ITPK1: variants seen among roughly 807,000 people sequenced by gnomAD.
ITPK1 encodes the protein inositol-tetrakisphosphate 1-kinase, also known as inositol 1,3,4-trisphosphate 5/6-kinase.
ITPK1 carries 21 observed loss-of-function variants against 45.3 expected under a neutral mutation model. The observed-to-expected ratio is 0.46, with a 90% CI of 0.33 to 0.67. ITPK1 has a LOEUF of 0.67. Among genes scored for constraint, ITPK1 ranks in the 30% least tolerant of loss-of-function variants. ITPK1 has a pLI of 0.02. For missense variants in ITPK1, 474 were observed against 573.5 expected (o/e 0.83, Z 1.77); for synonymous variants, 258 against 253.6 (o/e 1.02, Z -0.16).
rs987242379 is a variant in ITPK1, at chr14:92,979,921, C to G, written c.364+13959G>C. On this transcript the variant is annotated intron_variant, in intron 5 of 10. Coordinates refer to ENST00000267615, the MANE Select transcript of ITPK1 (RefSeq NM_014216.6). ...TCAGCCTCCTAAGTAGCTGTGATTA[C>G]AGGCGCACATCACCACGCCTGGCTA... Among the ~76,000 whole-genome samples, 6 of 151,728 alleles carry G rather than the reference C, an allele frequency of 4.0e-5. No individual in the cohort carries two copies. In the South Asian group the frequency reaches 1.2e-3, roughly 32 times the overall value.
rs916624890 is a variant in ITPK1, at chr14:93,045,240, C to T, written c.121-28439G>A. On this transcript the variant is annotated intron_variant, in intron 3 of 10. Transcript: ENST00000267615. The stretch of plus-strand genomic sequence containing the variant: ...TCTGGGCAAGACCTCAGGCCCCTGT[C>T]CCTGCCAGTCAGCAGCTCTGCCTCC... 2.6e-5 allele frequency among the ~76,000 whole-genome samples: 4 copies of T among 152,380 alleles called. No homozygotes were observed. In the East Asian group the frequency reaches 7.7e-4, roughly 29 times the overall value.
At chr14:93,104,255 T>G (rs781145182) in intron 2 of ITPK1, among the ~76,000 whole-genome samples, 4 of 152,224 alleles carry the variant, frequency 2.6e-5, no homozygotes, top group Non-Finnish European at 5.9e-5. Flanking sequence ...TGAGGCCAAG[T>G]TGAGCAGATC....
rs1353555050 is a variant in ITPK1, at chr14:92,981,090, G to C, written c.364+12790C>G. 2.6e-5 allele frequency among the ~76,000 whole-genome samples: 4 copies of C among 152,276 alleles called. No individual in the cohort carries two copies. The East Asian group carries it at 7.7e-4, about 29-fold the overall frequency. On this transcript the variant is annotated intron_variant, in intron 5 of 10. Transcript: ENST00000267615. The stretch of plus-strand genomic sequence containing the variant: ...CAGCACTGTCCTGCCCTGTGGAGCT[G>C]GCACACAGATTGTGGTTATGGCTTG...
intron 3 of ITPK1, among the ~76,000 whole-genome samples, chr14:93,043,688 A>C (rs538808139): frequency 1.3e-5 from 2 of 152,238 alleles, no homozygotes; most frequent in South Asian, 4.1e-4. Flanking sequence ...ATTACACCAC[A>C]ATCTTTAAGC....
chr14:93,084,334 G>C lies in ITPK1; in HGVS notation c.96-7715C>G, dbSNP rs146763957. On this transcript the variant is annotated intron_variant, in intron 2 of 10. Transcript: ENST00000267615. ...AAGGAGATTTAGCAACACCTGAAGA[G>C]CTTTTTGATTGTCACACCGAGGAAA... Among the ~76,000 whole-genome samples, 190 of 152,346 alleles carry C rather than the reference G, an allele frequency of 1.2e-3. 2 individuals carry two copies. Among genetic ancestry groups the C allele is most frequent in the African/African-American group, 4.4e-3 (181 of 41,590 alleles).
intron 3 of ITPK1, among the ~76,000 whole-genome samples, chr14:93,035,666 T>C (rs912276548): frequency 2.0e-5 from 3 of 152,210 alleles, no homozygotes; most frequent in Non-Finnish European, 4.4e-5. Flanking sequence ...TGGGAGGCAG[T>C]GGTCTACCAG....
chr14:92,938,520 C>T lies in ITPK1; in HGVS notation c.*3041G>A. The T allele has an allele frequency of 6.2e-7, 1 of 1,612,754 alleles. No individual in the cohort carries two copies. Among genetic ancestry groups the T allele is most frequent in the Non-Finnish European group, 8.5e-7 (1 of 1,178,736 alleles). On this transcript the variant is annotated 3_prime_UTR_variant, in exon 11 of 11. Coordinates refer to ENST00000267615, the MANE Select transcript of ITPK1 (RefSeq NM_014216.6). Reference sequence around the variant, plus strand: ...CCAGCCTTCTATAAAGCACACTTGGCAGTCCCCTGGGTACAGAGAGGAATG... The same window carrying T: ...CCAGCCTTCTATAAAGCACACTTGGTAGTCCCCTGGGTACAGAGAGGAATG...
At chr14:92,994,291 C>G (rs1320634169) in intron 4 of ITPK1, among the ~76,000 whole-genome samples, 1 of 152,238 alleles carries the variant, frequency 6.6e-6, no homozygotes, top group Non-Finnish European at 1.5e-5. Context: ...GGAAGCAGAT[C>G]CACTCCAGGC....
At chr14:93,011,144 C>T (rs901085090) in intron 4 of ITPK1, among the ~76,000 whole-genome samples, 2 of 152,204 alleles carry the variant, frequency 1.3e-5, no homozygotes, top group South Asian at 2.1e-4. Context: ...TGGATGAGTC[C>T]GTGTCACCAC....
chr14:92,998,842 A>G (rs993824546), intron 4 of ITPK1: 1 of 152,226 alleles, frequency 6.6e-6, no homozygotes, highest in African/African-American at 2.4e-5. Flanking sequence ...AAGGATAATA[A>G]TAATAAATAA....
At chr14:92,948,117 T>C (rs1011122183) in intron 9 of ITPK1, among the ~76,000 whole-genome samples, 3 of 152,130 alleles carry the variant, frequency 2.0e-5, no homozygotes, top group African/African-American at 7.2e-5. Flanking sequence ...TGTGATTCCA[T>C]TTCTACGGAA....
At chr14:92,960,481 A>G (rs1179881114) in intron 7 of ITPK1, among the ~76,000 whole-genome samples, 4 of 152,170 alleles carry the variant, frequency 2.6e-5, no homozygotes, top group Non-Finnish European at 5.9e-5. Context: ...CACAAATGTG[A>G]TACTCTGGGT....
rs372710236 is a variant in ITPK1 at position 92,953,679 on chromosome 14, A to G, written c.671-1666T>C. The stretch of plus-strand genomic sequence containing the variant: ...GCCACCAAGCGCAGGTAGACACAGC[A>G]AAGATCAGGGAGGTTGGGAAGTCTG... On this transcript the variant is annotated intron_variant, in intron 8 of 10. Coordinates refer to ENST00000267615, the MANE Select transcript of ITPK1 (RefSeq NM_014216.6). Among the ~76,000 whole-genome samples, 13 of 152,296 alleles carry G rather than the reference A, an allele frequency of 8.5e-5. No individual in the cohort carries two copies. In the East Asian group the frequency reaches 2.3e-3, roughly 27 times the overall value.
chr14:93,059,436 C>T (rs1420817429), intron 3 of ITPK1, among the ~76,000 whole-genome samples: 12 of 30,912 alleles, frequency 3.9e-4, no homozygotes, highest in Admixed American at 2.0e-3. Context: ...GTGCTGATCC[C>T]GAGGCAGGGA....
chr14:92,941,730 G>C lies in ITPK1; in HGVS notation c.1076C>G (p.Pro359Arg), dbSNP rs1239724258. 2.5e-6 allele frequency: 4 copies of C among 1,590,592 alleles called. No homozygotes were observed. Among genetic ancestry groups the C allele is most frequent in the African/African-American group, 1.3e-5 (1 of 74,478 alleles). The change falls in exon 11 of 11, where the codon CCC becomes CGC. Residue 359 changes from proline to arginine, a missense_variant. Around this residue, in one of 2 missense-constraint regions of ITPK1, gnomAD observed 107 missense variants for 92.9 expected, o/e 1.15. Coordinates refer to ENST00000267615, the MANE Select transcript of ITPK1 (RefSeq NM_014216.6). ...LVGERTCSAS[P>R]GCCGSMMGQD... ...GCCCATCATGCTGCCGCAGCAGCCG[G>C]GGCTGGCGCTGCATGTCCGCTCGCC...
chr14:92,941,480 A>T lies in ITPK1; in HGVS notation c.*81T>A. 6.9e-7 allele frequency: 1 copy of T among 1,441,934 alleles called. No individual in the cohort carries two copies. Among genetic ancestry groups the T allele is most frequent in the Non-Finnish European group, 9.0e-7 (1 of 1,105,244 alleles). The allele number at this position is 1,441,934 out of a possible 1,614,324, so 89.3% of individuals were successfully genotyped here. A position where few individuals can be genotyped will look rare whatever the true frequency, so the allele number is the denominator to read the frequency against. ...AATCAGATCACTGGGGATTCTTAGTAGTAGCATCGCCGTTGGGAGCTGCTG... is the reference window on the plus strand; with the variant it reads ...AATCAGATCACTGGGGATTCTTAGTTGTAGCATCGCCGTTGGGAGCTGCTG... On this transcript the variant is annotated 3_prime_UTR_variant, in exon 11 of 11. Coordinates refer to ENST00000267615, the MANE Select transcript of ITPK1 (RefSeq NM_014216.6).
At chr14:92,944,223 C>A (rs2079137433) in intron 10 of ITPK1, among the ~76,000 whole-genome samples, 1 of 152,122 alleles carries the variant, frequency 6.6e-6, no homozygotes. Context: ...CTGTGGGGTG[C>A]AGGAGAACAG....
At chr14:93,001,474 C>T (rs922084605) in intron 4 of ITPK1, among the ~76,000 whole-genome samples, 12 of 152,086 alleles carry the variant, frequency 7.9e-5, no homozygotes, top group African/African-American at 2.9e-4. Flanking sequence ...CTGGGGATGA[C>T]AACAGCCTCC....
At chr14:93,108,289 C>T (rs12435604) in intron 2 of ITPK1, among the ~76,000 whole-genome samples, 35,080 of 152,138 alleles carry the variant, frequency 0.23, 4,269 homozygotes, top group African/African-American at 0.31. Context: ...AAGGGAAGTG[C>T]CATAGTATTC....
Sources: gnomAD v4.1 joint callset for allele counts (sites outside exome capture counted in the v4.1 genomes callset) on GRCh38, gnomAD v4.1.1 for gene constraint, gnomAD v4.1.1 regional missense constraint, MANE v1.5 for transcripts, NCBI Gene and HGNC (gene_info 2026-07-23, HGNC 2026-07-21) for gene names.